The following XRN1 variants were observed in gnomAD, a reference collection of about 807,000 sequenced individuals.
XRN1 encodes strand-exchange protein 1 homolog.
XRN1 carries 67 observed loss-of-function variants against 222.3 expected under a neutral mutation model. The ratio of observed to expected loss-of-function variants is 0.30; its 90% CI spans 0.25 to 0.37. The LOEUF (loss-of-function observed/expected upper bound fraction) is 0.37, where lower values mean the gene tolerates loss of function less well. Ranked by LOEUF, XRN1 falls within the 10% of genes least tolerant of loss-of-function variation. The pLI is 1.00. For missense variants in XRN1, 1,707 were observed against 2,000.2 expected (o/e 0.85, Z 2.80); for synonymous variants, 643 against 652.4 (o/e 0.99, Z 0.22).
chr3:142,369,821 G>A (rs374377352), intron 27 of XRN1, among the ~76,000 whole-genome samples: 53 of 151,808 alleles, frequency 3.5e-4, no homozygotes, highest in East Asian at 2.3e-3. Context: ...TGAGGCAGGC[G>A]GATCACCTGA....
intron 39 of XRN1, among the ~76,000 whole-genome samples, chr3:142,316,409 TGG>T (rs1290254162): frequency 3.9e-5 from 6 of 151,964 alleles, no homozygotes; most frequent in Non-Finnish European, 7.4e-5. Flanking sequence ...AGATTAGAGA[TGG>T]GGTTTTATCA....
intron 2 of XRN1, among the ~76,000 whole-genome samples, chr3:142,427,529 C>A (rs368042576): frequency 1.3e-5 from 2 of 152,008 alleles, no homozygotes; most frequent in Admixed American, 6.6e-5. Context: ...TGATCTTAAT[C>A]ATCATTTAAT....
At chr3:142,313,500 C>G (rs2065130304) in intron 39 of XRN1, among the ~76,000 whole-genome samples, 1 of 152,118 alleles carries the variant, frequency 6.6e-6, no homozygotes, top group Non-Finnish European at 1.5e-5. Context: ...CTACATTAAA[C>G]AGTGACATTC....
At chr3:142,328,906 ACACACATGG>A (rs1308614934) in intron 37 of XRN1, among the ~76,000 whole-genome samples, 2 of 149,646 alleles carry the variant, frequency 1.3e-5, no homozygotes, top group African/African-American at 4.9e-5. Flanking sequence ...CAGGCTCACA[ACACACATGG>A]CTAATTTTAT....
intron 32 of XRN1, among the ~76,000 whole-genome samples, chr3:142,351,310 AGGGAAGG>A: frequency 6.6e-6 from 1 of 152,198 alleles, no homozygotes; most frequent in South Asian, 2.1e-4. Flanking sequence ...GAAGAAAAAC[AGGGAAGG>A]GTGGTATTCC....
In XRN1 at chr3:142,426,819, T is replaced by G; in HGVS notation, c.331A>C (p.Lys111Gln). The change falls in exon 3 of 41, where the codon AAA becomes CAA. Residue 111 changes from lysine to glutamine, a missense_variant. Transcript: ENST00000392981. ...RFRSAKEAED[K>Q]IKKAIEKGET... ...CCCTTCTCTATTGCCTTTTTAATTT[T>G]GTCTTCTGCCTCCTTTGCTGACCTT... The G allele has an allele frequency of 6.2e-7, 1 of 1,613,800 alleles. No homozygotes were observed. The highest frequency in any genetic ancestry group is 1.1e-5 in the South Asian group (1 of 91,076).
At chr3:142,362,927 T>C (rs1242007799) in intron 29 of XRN1, among the ~76,000 whole-genome samples, 1 of 151,740 alleles carries the variant, frequency 6.6e-6, no homozygotes, top group Non-Finnish European at 1.5e-5. Context: ...CACAACACTA[T>C]GCCTGGCTAA....
intron 30 of XRN1, among the ~76,000 whole-genome samples, chr3:142,358,071 AAAAC>A (rs2066513434): frequency 6.6e-6 from 1 of 151,992 alleles, no homozygotes; most frequent in Non-Finnish European, 1.5e-5. Flanking sequence ...AACAAAAACA[AAAAC>A]AAAAAAACGA....
At chr3:142,383,771 T>C (rs546331006) in intron 21 of XRN1, among the ~76,000 whole-genome samples, 1 of 152,306 alleles carries the variant, frequency 6.6e-6, no homozygotes, top group East Asian at 1.9e-4. Flanking sequence ...ATCACTACAC[T>C]GTACTATAAC....
chr3:142,324,778 G>T (rs1489215052), intron 37 of XRN1, among the ~76,000 whole-genome samples: 1 of 151,938 alleles, frequency 6.6e-6, no homozygotes, highest in African/African-American at 2.4e-5. Context: ...ACTTTTTAAT[G>T]ATCACCATTC....
chr3:142,314,680 G>T (rs1006680393), intron 39 of XRN1, among the ~76,000 whole-genome samples: 3 of 151,910 alleles, frequency 2.0e-5, no homozygotes, highest in Admixed American at 1.3e-4. Context: ...CGAGGCTGGC[G>T]GATCCCTTGA....
intron 20 of XRN1, among the ~76,000 whole-genome samples, chr3:142,385,496 G>A (rs115576100): frequency 0.016 from 2,394 of 152,214 alleles, 24 homozygotes; most frequent in Non-Finnish European, 0.021. Context: ...AATTCAGACA[G>A]CCTCCTAGTT....
chr3:142,347,111 C>T, intron 33 of XRN1, 123 bp downstream of exon 33: 1 of 709,336 alleles, frequency 1.4e-6, no homozygotes, highest in South Asian at 2.1e-5. Context: ...TACAAAAAAC[C>T]ACTTATCGTA....
At chr3:142,390,533 T>C (rs536912156) in intron 20 of XRN1, among the ~76,000 whole-genome samples, 8 of 152,336 alleles carry the variant, frequency 5.3e-5, no homozygotes, top group African/African-American at 1.7e-4. Context: ...TCTCAGCCTT[T>C]ATAGAATTGA....
intron 2 of XRN1, chr3:142,429,647 T>G (rs2069436447): frequency 6.6e-6 from 1 of 152,112 alleles, no homozygotes; most frequent in South Asian, 2.1e-4. Flanking sequence ...CTTGTGGTGG[T>G]TATAATGCAT....
In XRN1 at chr3:142,447,116, G is replaced by C. The variant is rs575851922; in HGVS notation, c.75+754C>G. 6.6e-6 allele frequency among the ~76,000 whole-genome samples: 1 copy of C among 151,092 alleles called. No individual in the cohort carries two copies. The highest frequency in any genetic ancestry group is 1.5e-5 in the Non-Finnish European group (1 of 67,724). ...TCCACAGTTCCAATATATAAACTAC[G>C]TTTTCGGAATCTACACATTAACGTT... On this transcript the variant is annotated intron_variant, in intron 1 of 40. Transcript: ENST00000392981. This position sits in a 1 kb window ranked among gnomAD's most constrained non-coding sequence, Gnocchi z 4.2.
At position 142,356,966 on chromosome 3, in the gene XRN1, A is replaced by G; in HGVS notation, c.3618T>C (p.Ser1206=). 6.2e-7 allele frequency: 1 copy of G among 1,614,152 alleles called. No individual in the cohort carries two copies. Among genetic ancestry groups the G allele is most frequent in the Non-Finnish European group, 8.5e-7 (1 of 1,179,994 alleles). The stretch of plus-strand genomic sequence containing the variant: ...AATGGTTGAGGGCTCCCAAATGCCC[A>G]GAGGAAACTGATGAACTTGAGCTAT... ...HQHSSSSSVS[S]GHLGALNHSP... The change falls in exon 31 of 41, where the codon TCT becomes TCC. Residue 1206 remains serine (S), a synonymous_variant. Transcript: ENST00000392981.
rs1308929071 is a variant in XRN1 at position 142,431,897 on chromosome 3, A to AT, written c.308+763dup. Among the ~76,000 whole-genome samples the AT allele has an allele frequency of 2.0e-3, 56 of 27,612 alleles. 1 individual carries two copies. Among genetic ancestry groups the AT allele is most frequent in the East Asian group, 7.0e-3 (8 of 1,150 alleles). The allele number at this position is 27,612 out of a possible 152,430, so 18.1% of individuals were successfully genotyped here. On this transcript the variant is annotated intron_variant, in intron 2 of 40. Transcript: ENST00000392981. Reference sequence around the variant, plus strand: ...ATATTATATATATTATATATAATATATATATTATATATATAAATATATATA... The same window carrying AT: ...ATATTATATATATTATATATAATATATTATATTATATATATAAATATATATA...
chr3:142,409,520 T>C (rs1239970531), intron 15 of XRN1, among the ~76,000 whole-genome samples: 2 of 152,232 alleles, frequency 1.3e-5, no homozygotes. Context: ...TTCCAATTTA[T>C]CTATTTGCTT....
Sources: allele counts gnomAD v4.1 joint callset (sites outside exome capture counted in the v4.1 genomes callset), GRCh38; gene constraint gnomAD v4.1.1; non-coding constraint Gnocchi (gnomAD v3.1); transcripts MANE v1.5; gene names NCBI Gene and HGNC (gene_info 2026-07-23, HGNC 2026-07-21).